MAP7: variants seen among roughly 807,000 people sequenced by gnomAD.
The protein encoded by MAP7 is microtubule associated protein 7.
In MAP7, 52 loss-of-function variants were observed where a neutral mutation model predicts 94.8. The observed-to-expected ratio is 0.55, with a 90% CI of 0.44 to 0.69. The LOEUF is 0.69. MAP7 is among the 30% of genes least tolerant of loss of function. The pLI is 0.00. For missense variants in MAP7, 940 were observed against 964.6 expected, an observed-to-expected ratio of 0.97 and a Z score of 0.34; for synonymous variants, 350 against 357.0, an observed-to-expected ratio of 0.98 and a Z score of 0.22.
At chr6:136,471,031 G>A (rs1335891370) in intron 1 of MAP7, among the ~76,000 whole-genome samples, 1 of 152,114 alleles carries the variant, frequency 6.6e-6, no homozygotes, top group Non-Finnish European at 1.5e-5. Flanking sequence ...ATAAATGCTG[G>A]GGAGCTTGGC....
intron 1 of MAP7, among the ~76,000 whole-genome samples, chr6:136,486,848 T>TGGCAATGTTA (rs1422288576): frequency 1.3e-5 from 2 of 152,060 alleles, no homozygotes; most frequent in African/African-American, 4.8e-5. Flanking sequence ...AAAATTTAAA[T>TGGCAATGTTA]AAACAAAATG....
At chr6:136,495,673 T>C (rs1562461902) in intron 1 of MAP7, among the ~76,000 whole-genome samples, 1 of 152,220 alleles carries the variant, frequency 6.6e-6, no homozygotes, top group Non-Finnish European at 1.5e-5. Context: ...ATAGGTATAT[T>C]AAACTTTCTT....
chr6:136,427,039 TA>T (rs1793379817), intron 1 of MAP7, among the ~76,000 whole-genome samples: 1 of 152,266 alleles, frequency 6.6e-6, no homozygotes, highest in Admixed American at 6.5e-5. Context: ...TTCTTCCACT[TA>T]CCCGTATCGT....
intron 17 of MAP7, among the ~76,000 whole-genome samples, chr6:136,344,984 T>C (rs1787285058): frequency 6.6e-6 from 1 of 152,226 alleles, no homozygotes; most frequent in Admixed American, 6.5e-5. Context: ...CAGTTCTTTT[T>C]GTAGAAATAT....
intron 16 of MAP7, 99 bp downstream of exon 16, chr6:136,356,593 C>A (rs532067138): frequency 1.0e-5 from 9 of 898,414 alleles, no homozygotes; most frequent in South Asian, 1.6e-5. Flanking sequence ...GAGGCCCCCC[C>A]CAAATAATAA....
At chr6:136,510,358 G>A (rs1438880844) in intron 1 of MAP7, among the ~76,000 whole-genome samples, 3 of 152,146 alleles carry the variant, frequency 2.0e-5, no homozygotes, top group Non-Finnish European at 4.4e-5. Context: ...AGAAACAGGA[G>A]GCTATGAGGG....
chr6:136,401,283 T>G (rs1428740149), intron 3 of MAP7, among the ~76,000 whole-genome samples: 1 of 152,188 alleles, frequency 6.6e-6, no homozygotes, highest in Non-Finnish European at 1.5e-5. Flanking sequence ...GCCCAAGAGT[T>G]TGAGGATGCA....
intron 3 of MAP7, among the ~76,000 whole-genome samples, chr6:136,393,798 ATTTTTT>A (rs61666828): frequency 1.8e-4 from 15 of 84,438 alleles, no homozygotes; most frequent in African/African-American, 6.6e-4. Flanking sequence ...ATTCAGCAAA[ATTTTTT>A]TTTTTTTTTT....
At chr6:136,417,833 C>A (rs1291273743) in intron 2 of MAP7, among the ~76,000 whole-genome samples, 1 of 152,120 alleles carries the variant, frequency 6.6e-6, no homozygotes, top group Admixed American at 6.6e-5. Flanking sequence ...TCTATGAGGG[C>A]AAATTACTTA....
chr6:136,390,527 C>G (rs1780401710), intron 3 of MAP7, among the ~76,000 whole-genome samples: 1 of 152,002 alleles, frequency 6.6e-6, no homozygotes, highest in East Asian at 1.9e-4. Flanking sequence ...GTGGCACGTG[C>G]CTGTAGTCCC....
intron 1 of MAP7, among the ~76,000 whole-genome samples, chr6:136,428,609 T>G: frequency 6.6e-6 from 1 of 152,338 alleles, no homozygotes; most frequent in East Asian, 1.9e-4. Context: ...GGAAAGATCA[T>G]GTATATAACA....
chr6:136,505,273 GTGTGTATATATATATATATATATA>G lies in MAP7; in HGVS notation c.67+45045_67+45068del, dbSNP rs1329536622. ...GTAATGTGTGTGTGTGTGTGTGTGT[GTGTGTATATATATATATATATATA>G]TATATATATATATATAGTAAAATTA... is the stretch of plus-strand genomic sequence containing the variant. On this transcript the variant is annotated intron_variant, in intron 1 of 17. Transcript: ENST00000354570. Among the ~76,000 whole-genome samples, 5 of 69,844 alleles carry G rather than the reference GTGTGTATATATATATATATATATA, an allele frequency of 7.2e-5. No individual in the cohort carries two copies. In the East Asian group the frequency reaches 2.8e-3, roughly 39 times the overall value. The allele number at this position is 69,844 out of a possible 152,430, so 45.8% of individuals were successfully genotyped here.
intron 14 of MAP7, 27 bp downstream of exon 14, chr6:136,359,954 G>C: frequency 1.9e-6 from 3 of 1,611,044 alleles, no homozygotes; most frequent in Non-Finnish European, 2.5e-6. Context: ...GCATACAAAA[G>C]TAGTTAGAAA....
At chr6:136,370,559 T>C (rs1379448473) in intron 8 of MAP7, among the ~76,000 whole-genome samples, 1 of 152,176 alleles carries the variant, frequency 6.6e-6, no homozygotes, top group Non-Finnish European at 1.5e-5. Flanking sequence ...ACAAATATAA[T>C]GGAATATAAT....
chr6:136,535,942 C>T (rs532011995), intron 1 of MAP7, among the ~76,000 whole-genome samples: 2 of 151,986 alleles, frequency 1.3e-5, no homozygotes, highest in South Asian at 2.1e-4. Context: ...TTCCCCTTCC[C>T]GTGTCCAAGT....
rs758524837 is a variant in MAP7, at chr6:136,389,348, G to C, written c.408+6C>G. 5.3e-6 allele frequency: 8 copies of C among 1,519,390 alleles called. No individual in the cohort carries two copies. The South Asian group carries it at 1.1e-4, about 20-fold the overall frequency. 94.1% of individuals were successfully genotyped at this position (1,519,390 alleles called of 1,614,324 possible). Reference sequence around the variant, plus strand: ...CCACTCATATTCTTCCCGGGGGGCGGCTCACTTTGTCCTCCTCAAGTCTCT... The same window carrying C: ...CCACTCATATTCTTCCCGGGGGGCGCCTCACTTTGTCCTCCTCAAGTCTCT... On this transcript the variant is annotated splice_donor_region_variant and intron_variant, in intron 4 of 17. Transcript: ENST00000354570.
At chr6:136,491,263 T>C (rs769265084) in intron 1 of MAP7, among the ~76,000 whole-genome samples, 1 of 152,218 alleles carries the variant, frequency 6.6e-6, no homozygotes, top group Non-Finnish European at 1.5e-5. Context: ...GAAATTGTCA[T>C]GTTAGGTCAA....
At chr6:136,423,695 T>C (rs1248170433) in intron 1 of MAP7, among the ~76,000 whole-genome samples, 1 of 150,788 alleles carries the variant, frequency 6.6e-6, no homozygotes, top group Non-Finnish European at 1.5e-5. Context: ...AGATGTGATG[T>C]CTTTCATTAT....
At chr6:136,404,776 A>T (rs1256742131) in intron 3 of MAP7, among the ~76,000 whole-genome samples, 2 of 152,248 alleles carry the variant, frequency 1.3e-5, no homozygotes, top group Admixed American at 1.3e-4. Flanking sequence ...ACTTGTTATT[A>T]TCTTGAAAAA....
Sources: gnomAD v4.1 joint callset for allele counts (sites outside exome capture counted in the v4.1 genomes callset) on GRCh38, gnomAD v4.1.1 for gene constraint, MANE v1.5 for transcripts, NCBI Gene and HGNC (gene_info 2026-07-23, HGNC 2026-07-21) for gene names.